Variants in CEP112 observed in about 807,000 individuals in gnomAD.
CEP112 encodes centrosomal protein 112.
A neutral mutation model predicts 153.0 loss-of-function variants in CEP112; 127 were observed. The observed-to-expected ratio is 0.83, with a 90% confidence interval of 0.72 to 0.96. CEP112 has a LOEUF of 0.96. Among genes scored for constraint, CEP112 ranks in the 40% least tolerant of loss-of-function variants. The probability of loss-of-function intolerance (pLI) is 0.00; values close to 1 mark genes in which losing one functional copy is unlikely to be tolerated. For synonymous variants in CEP112, 358 were observed against 374.4 expected (o/e 0.96, Z 0.51); for missense variants, 1,089 against 1,101.2 (o/e 0.99, Z 0.16).
intron 8 of CEP112, among the ~76,000 whole-genome samples, chr17:66,078,813 G>A (rs1276010873): frequency 6.6e-6 from 1 of 151,876 alleles, no homozygotes; most frequent in Non-Finnish European, 1.5e-5. Context: ...TTGTAGTGGT[G>A]GCTTGGTAGT....
chr17:65,654,802 C>T (rs1367318238), intron 24 of CEP112: 1 of 381,012 alleles, frequency 2.6e-6, no homozygotes, highest in Non-Finnish European at 5.0e-6. Flanking sequence ...TAGTCAAAGG[C>T]CAGAAAATTA....
At chr17:65,897,753 T>C (rs1254896422) in intron 20 of CEP112, among the ~76,000 whole-genome samples, 3 of 152,128 alleles carry the variant, frequency 2.0e-5, no homozygotes, top group Non-Finnish European at 4.4e-5. Context: ...AAATAAAATC[T>C]AGTAATTACA....
intron 3 of CEP112, chr17:66,176,530 C>T (rs192086619): frequency 2.2e-4 from 45 of 204,338 alleles, no homozygotes; most frequent in African/African-American, 9.4e-4. Context: ...TAAAAATTAC[C>T]ATTACAATCC....
intron 20 of CEP112, among the ~76,000 whole-genome samples, chr17:65,882,570 TG>T (rs2059122715): frequency 6.6e-6 from 1 of 152,252 alleles, no homozygotes; most frequent in African/African-American, 2.4e-5. Context: ...TGTATTGATT[TG>T]TGTTCCCTCG....
chr17:65,954,847 C>T (rs2144679692), intron 18 of CEP112, among the ~76,000 whole-genome samples: 1 of 152,236 alleles, frequency 6.6e-6, no homozygotes, highest in East Asian at 1.9e-4. Context: ...AACAAAGCCT[C>T]CTAGAAGTTT....
At chr17:66,088,939 C>G (rs1315018722) in intron 8 of CEP112, among the ~76,000 whole-genome samples, 1 of 151,516 alleles carries the variant, frequency 6.6e-6, no homozygotes. Flanking sequence ...ACCAGGTCAG[C>G]CCTTGCAGAC....
intron 13 of CEP112, among the ~76,000 whole-genome samples, chr17:66,029,514 G>C (rs545755517): frequency 2.0e-5 from 3 of 152,120 alleles, no homozygotes; most frequent in South Asian, 2.1e-4. Context: ...CTGGGCAACA[G>C]AGTGAGACCG....
intron 20 of CEP112, among the ~76,000 whole-genome samples, chr17:65,881,192 G>GGGCGAC (rs2059058070): frequency 6.6e-6 from 1 of 152,168 alleles, no homozygotes; most frequent in South Asian, 2.1e-4. Flanking sequence ...ACTCCAGCCT[G>GGGCGAC]GGCGACAGAG....
chr17:65,761,707 T>G (rs1405930772), intron 21 of CEP112, among the ~76,000 whole-genome samples: 1 of 152,158 alleles, frequency 6.6e-6, no homozygotes, highest in Non-Finnish European at 1.5e-5. Context: ...GATTTCCACC[T>G]ATCTTTCTGT....
chr17:65,719,795 G>A (rs916351836), intron 23 of CEP112, among the ~76,000 whole-genome samples: 1 of 152,216 alleles, frequency 6.6e-6, no homozygotes, highest in Non-Finnish European at 1.5e-5. Context: ...GAGGGTGTGA[G>A]CAGCAGGAAA....
intron 17 of CEP112, among the ~76,000 whole-genome samples, chr17:65,998,648 C>T (rs778256086): frequency 6.6e-6 from 1 of 151,638 alleles, no homozygotes; most frequent in South Asian, 2.1e-4. Flanking sequence ...AGCTAATACA[C>T]GTATATAATA....
intron 1 of CEP112, among the ~76,000 whole-genome samples, chr17:66,186,669 C>T (rs760720124): frequency 3.3e-5 from 5 of 152,174 alleles, no homozygotes; most frequent in Admixed American, 2.0e-4. Flanking sequence ...TCCCTTGATG[C>T]CCTCCTTCAT....
At chr17:66,163,093 C>T (rs887415723) in intron 4 of CEP112, among the ~76,000 whole-genome samples, 1 of 152,056 alleles carries the variant, frequency 6.6e-6, no homozygotes, top group African/African-American at 2.4e-5. Context: ...GTAATTTCCT[C>T]TCAAGCAAAG....
rs117582960 is a variant in CEP112 at position 65,718,039 on chromosome 17, C to T, written c.2607+25029G>A. ...ATCCATATATAACTAAACAAAAGCACGGGGGCATAAAAGTGAAATTTTGCT... is the reference window on the plus strand; with the variant it reads ...ATCCATATATAACTAAACAAAAGCATGGGGGCATAAAAGTGAAATTTTGCT... On this transcript the variant is annotated intron_variant, in intron 23 of 26. Coordinates refer to ENST00000535342, the MANE Select transcript of CEP112 (RefSeq NM_001199165.4). Among the ~76,000 whole-genome samples, 45 of 152,086 alleles carry T rather than the reference C, an allele frequency of 3.0e-4. No homozygotes were observed. The East Asian group carries it at 8.1e-3, about 27-fold the overall frequency.
chr17:66,027,328 G>T (rs1415673851), intron 16 of CEP112, among the ~76,000 whole-genome samples, 173 bp downstream of exon 16: 2 of 152,014 alleles, frequency 1.3e-5, no homozygotes, highest in Non-Finnish European at 2.9e-5. Flanking sequence ...AGTGAGCCGA[G>T]ATCGTGCCAC....
chr17:65,902,422 G>T (rs2059906643), intron 19 of CEP112, 88 bp from the exon 20 acceptor site: 3 of 1,110,288 alleles, frequency 2.7e-6, no homozygotes, highest in Admixed American at 3.3e-5. Context: ...TCTCTAATTT[G>T]TCCAAGTTGA....
chr17:65,889,920 T>C (rs2059404989), intron 20 of CEP112, among the ~76,000 whole-genome samples: 1 of 152,146 alleles, frequency 6.6e-6, no homozygotes, highest in Non-Finnish European at 1.5e-5. Flanking sequence ...ATTCTTCATC[T>C]TCTGCTTAAA....
chr17:65,971,560 G>A (rs1315237900), intron 17 of CEP112, among the ~76,000 whole-genome samples: 1 of 152,058 alleles, frequency 6.6e-6, no homozygotes, highest in Non-Finnish European at 1.5e-5. Context: ...TGTTACATGT[G>A]TGTTGTATGT....
intron 21 of CEP112, among the ~76,000 whole-genome samples, chr17:65,787,097 C>T (rs368199137): frequency 4.6e-5 from 7 of 152,302 alleles, no homozygotes; most frequent in Non-Finnish European, 7.4e-5. Flanking sequence ...AAACTACTAA[C>T]GTCCATACCT....
Sources: gnomAD v4.1 joint callset for allele counts (sites outside exome capture counted in the v4.1 genomes callset) on GRCh38, gnomAD v4.1.1 for gene constraint, MANE v1.5 for transcripts, NCBI Gene and HGNC (gene_info 2026-07-23, HGNC 2026-07-21) for gene names.